Variants in ANKRD44 observed in about 807,000 individuals in gnomAD.
ANKRD44 encodes the protein serine/threonine-protein phosphatase 6 regulatory ankyrin repeat subunit B.
Under a neutral mutation model 116.0 loss-of-function variants are expected in ANKRD44, and 35 were observed. The observed-to-expected ratio is 0.30, with a 90% CI of 0.23 to 0.40. ANKRD44 has a LOEUF of 0.40. ANKRD44 is among the 10% of genes least tolerant of loss of function. ANKRD44 has a pLI of 1.00. For missense variants in ANKRD44, 1,014 were observed against 1,242.6 expected, an observed-to-expected ratio of 0.82 and a Z score of 2.77; for synonymous variants, 435 against 461.8, an observed-to-expected ratio of 0.94 and a Z score of 0.74.
chr2:197,291,045 C>A (rs1248777942), intron 1 of ANKRD44, among the ~76,000 whole-genome samples: 1 of 151,348 alleles, frequency 6.6e-6, no homozygotes, highest in Non-Finnish European at 1.5e-5. Context: ...CCTGTCTGTA[C>A]AAAAAAAACA....
At chr2:197,080,720 C>T (rs1256160017) in intron 15 of ANKRD44, among the ~76,000 whole-genome samples, 2 of 152,190 alleles carry the variant, frequency 1.3e-5, no homozygotes, top group African/African-American at 2.4e-5. Context: ...TCTCTAACTT[C>T]CTTTCCACAA....
intron 1 of ANKRD44, 97 bp downstream of exon 1, chr2:197,310,481 G>T: frequency 1.2e-6 from 1 of 869,050 alleles, no homozygotes; most frequent in Non-Finnish European, 1.4e-6. Context: ...CGAGTAAACA[G>T]CTCGCGGGCG....
intron 2 of ANKRD44, among the ~76,000 whole-genome samples, chr2:197,166,444 G>A (rs2080102890): frequency 6.6e-6 from 1 of 152,178 alleles, no homozygotes; most frequent in African/African-American, 2.4e-5. Flanking sequence ...AAGCACTTAA[G>A]ATACTTAAAT....
At position 197,110,996 on chromosome 2, in the gene ANKRD44, A is replaced by G. The variant is rs979771100; in HGVS notation, c.907-152T>C. 5 of 604,376 alleles carry G rather than the reference A, an allele frequency of 8.3e-6. No homozygotes were observed. The African/African-American group carries it at 9.1e-5, about 11-fold the overall frequency. 37.4% of individuals were successfully genotyped at this position (604,376 alleles called of 1,614,324 possible). A position where few individuals can be genotyped will look rare whatever the true frequency, so the allele number is the denominator to read the frequency against. On this transcript the variant is annotated intron_variant, in intron 8 of 27. Coordinates refer to ENST00000282272, the MANE Select transcript of ANKRD44 (RefSeq NM_001195144.2). ...GTATGATCAACATGAGGCTGCAGTG[A>G]GCTAGGATTTTACCACTGTACTCCA...
At chr2:197,048,923 C>A (rs935208548) in intron 16 of ANKRD44, among the ~76,000 whole-genome samples, 3 of 152,172 alleles carry the variant, frequency 2.0e-5, no homozygotes, top group African/African-American at 4.8e-5. Context: ...ATTTGCATTT[C>A]TCTGATGACC....
chr2:197,200,382 A>G (rs1305573063), intron 1 of ANKRD44, among the ~76,000 whole-genome samples: 1 of 152,150 alleles, frequency 6.6e-6, no homozygotes, highest in Middle Eastern at 3.2e-3. Context: ...TGGAATGACA[A>G]ATGAGGCAGG....
intron 21 of ANKRD44, among the ~76,000 whole-genome samples, chr2:197,004,992 C>CA (rs1467576239): frequency 5.3e-5 from 8 of 151,952 alleles, no homozygotes; most frequent in African/African-American, 2.4e-5. Flanking sequence ...TAAACACCAA[C>CA]AAAAAATTAT....
intron 1 of ANKRD44, among the ~76,000 whole-genome samples, chr2:197,187,329 C>A (rs2080702990): frequency 6.6e-6 from 1 of 152,150 alleles, no homozygotes; most frequent in Non-Finnish European, 1.5e-5. Context: ...GCCAGATAGT[C>A]TCTAACCTGA....
chr2:197,138,896 A>G (rs2079287049), intron 3 of ANKRD44, among the ~76,000 whole-genome samples: 1 of 152,246 alleles, frequency 6.6e-6, no homozygotes, highest in African/African-American at 2.4e-5. Flanking sequence ...AATGAATGCA[A>G]GTAGAAACCC....
At chr2:197,294,571 T>C (rs1369360179) in intron 1 of ANKRD44, among the ~76,000 whole-genome samples, 1 of 152,082 alleles carries the variant, frequency 6.6e-6, no homozygotes, top group Non-Finnish European at 1.5e-5. Context: ...TCATTCTCTC[T>C]CTGTCTCTCT....
chr2:196,998,677 A>G (rs936971862), intron 24 of ANKRD44, among the ~76,000 whole-genome samples: 1 of 152,264 alleles, frequency 6.6e-6, no homozygotes, highest in Non-Finnish European at 1.5e-5. Context: ...CTTGGTTTCT[A>G]AATGTTGATA....
intron 1 of ANKRD44, among the ~76,000 whole-genome samples, chr2:197,211,848 G>A (rs1360218749): frequency 6.6e-6 from 1 of 151,864 alleles, no homozygotes; most frequent in Non-Finnish European, 1.5e-5. Flanking sequence ...AGACGACGCA[G>A]CACAAAGAAG....
intron 1 of ANKRD44, chr2:197,301,447 C>G (rs1215970402): frequency 6.6e-6 from 1 of 152,214 alleles, no homozygotes; most frequent in East Asian, 1.9e-4. Flanking sequence ...TTACCTACGA[C>G]TGAGAATTAC....
chr2:197,306,333 G>A (rs963074112), intron 1 of ANKRD44, among the ~76,000 whole-genome samples: 5 of 152,122 alleles, frequency 3.3e-5, no homozygotes, highest in African/African-American at 4.8e-5. Context: ...ACCCTAAACC[G>A]GTCAATTAGC....
intron 21 of ANKRD44, among the ~76,000 whole-genome samples, chr2:197,004,355 A>T (rs2076166247): frequency 6.6e-6 from 1 of 152,228 alleles, no homozygotes; most frequent in Admixed American, 6.5e-5. Flanking sequence ...CAAGGAACAA[A>T]AATATTCATA....
At chr2:197,118,615 A>AAGAGAGAGAG (rs57255941) in intron 8 of ANKRD44, among the ~76,000 whole-genome samples, 3 of 76,396 alleles carry the variant, frequency 3.9e-5, no homozygotes, top group Non-Finnish European at 7.5e-5. Flanking sequence ...GAGAGAAAGA[A>AAGAGAGAGAG]AGAGAGAGAG....
Position 197,005,893 on chromosome 2 carries a change from C to T in ANKRD44, c.2148G>A (p.Glu716=). Residue 716 remains glutamate (E), a synonymous_variant, in exon 21 of 28, where the codon GAG becomes GAA. Coordinates refer to ENST00000282272, the MANE Select transcript of ANKRD44 (RefSeq NM_001195144.2). ...ALHRGIMTGH[E]ECVQMLLEQE... Reference sequence around the variant, plus strand: ...GTTCCAGCAGCATTTGCACACATTCCTCGTGTCCTGTCATAATCTGATGCA... The same window carrying T: ...GTTCCAGCAGCATTTGCACACATTCTTCGTGTCCTGTCATAATCTGATGCA... 1 of 1,614,222 alleles carries T rather than the reference C, an allele frequency of 6.2e-7. No individual in the cohort carries two copies. The highest frequency in any genetic ancestry group is 8.5e-7 in the Non-Finnish European group (1 of 1,180,036).
At chr2:197,192,486 A>G (rs1475061339) in intron 1 of ANKRD44, among the ~76,000 whole-genome samples, 1 of 152,262 alleles carries the variant, frequency 6.6e-6, no homozygotes, top group Non-Finnish European at 1.5e-5. Flanking sequence ...CATTCTGAGT[A>G]CATATGTCAT....
chr2:197,248,395 A>G (rs2082239231), intron 1 of ANKRD44, among the ~76,000 whole-genome samples: 1 of 152,098 alleles, frequency 6.6e-6, no homozygotes, highest in Non-Finnish European at 1.5e-5. Flanking sequence ...GCTGGCCCAC[A>G]CTACAGATTT....
Sources: allele counts gnomAD v4.1 joint callset (sites outside exome capture counted in the v4.1 genomes callset), GRCh38; gene constraint gnomAD v4.1.1; transcripts MANE v1.5; gene names NCBI Gene and HGNC (gene_info 2026-07-23, HGNC 2026-07-21).